DPYSL4: variants seen among roughly 807,000 people sequenced by gnomAD.
DPYSL4 encodes the protein dihydropyrimidinase-related protein 4.
DPYSL4 carries 43 observed loss-of-function variants against 63.4 expected under a neutral mutation model. That is an observed-to-expected ratio of 0.68 (90% CI 0.53 to 0.88). The LOEUF (loss-of-function observed/expected upper bound fraction) is 0.88, where lower values mean the gene tolerates loss of function less well. DPYSL4 is among the 40% of genes least tolerant of loss of function. DPYSL4 has a pLI of 0.00. For missense variants in DPYSL4, 733 were observed against 819.5 expected (o/e 0.89, Z 1.29); for synonymous variants, 353 against 331.7 (o/e 1.06, Z -0.70).
chr10:132,200,630 G>T lies in DPYSL4; in HGVS notation c.968+118G>T, dbSNP rs1397186749. 8 of 1,425,784 alleles carry T rather than the reference G, an allele frequency of 5.6e-6. No homozygotes were observed. The South Asian group carries it at 9.6e-5, about 17-fold the overall frequency. 88.3% of individuals were successfully genotyped at this position (1,425,784 alleles called of 1,614,324 possible). ...CCCATAGGGCAGCCCGGACAGTGGC[G>T]GGTGGGGAAGTCTGAGCCCTTTGGT... On this transcript the variant is annotated intron_variant, in intron 9 of 13. Transcript: ENST00000338492.
chr10:132,202,963 GC>G (rs2062040091), intron 12 of DPYSL4, 138 bp downstream of exon 12: 1 of 1,063,980 alleles, frequency 9.4e-7, no homozygotes, highest in Non-Finnish European at 1.3e-6. Flanking sequence ...CTTGCCCAGG[GC>G]CCTGGTGGGT....
intron 13 of DPYSL4, 44 bp downstream of exon 13, chr10:132,203,971 G>A (rs377261164): frequency 1.1e-4 from 167 of 1,560,486 alleles, no homozygotes; most frequent in East Asian, 1.4e-4. Flanking sequence ...GGGCTCTGCC[G>A]GAGCATCCAG....
At chr10:132,189,423 G>A (rs967339688) in intron 1 of DPYSL4, among the ~76,000 whole-genome samples, 7 of 152,160 alleles carry the variant, frequency 4.6e-5, no homozygotes, top group African/African-American at 1.7e-4. Flanking sequence ...TCTGCTTCCC[G>A]GCCATCTGGT....
chr10:132,190,339 G>T (rs1037610493), intron 1 of DPYSL4, among the ~76,000 whole-genome samples: 9 of 152,258 alleles, frequency 5.9e-5, no homozygotes, highest in African/African-American at 2.2e-4. Flanking sequence ...CCTCCTCTGC[G>T]TGGGTGGAAG....
chr10:132,201,953 G>A lies in DPYSL4; in HGVS notation c.1118G>A (p.Gly373Glu). 2 of 1,612,354 alleles carry A rather than the reference G, an allele frequency of 1.2e-6. No homozygotes were observed. The highest frequency in any genetic ancestry group is 1.7e-6 in the Non-Finnish European group (2 of 1,179,346). Residue 373 changes from glycine to glutamate, a missense_variant, in exon 11 of 14, where the codon GGG (glycine) becomes GAG (glutamate). Coordinates refer to ENST00000338492, the MANE Select transcript of DPYSL4 (RefSeq NM_006426.3). ...AGCCTTCTTGTTCCCCAGGCCTCTGGGAAGATGGACGAGAATGAGTTCGTC... is the reference window on the plus strand; with the variant it reads ...AGCCTTCTTGTTCCCCAGGCCTCTGAGAAGATGGACGAGAATGAGTTCGTC... ...SMVWEKCVAS[G>E]KMDENEFVAV...
chr10:132,188,668 C>T (rs965371806), intron 1 of DPYSL4, among the ~76,000 whole-genome samples: 2 of 152,212 alleles, frequency 1.3e-5, no homozygotes, highest in Non-Finnish European at 2.9e-5. Context: ...GTCAGCTTTG[C>T]GGACCACGCT....
rs375959242 is a variant in DPYSL4, at chr10:132,204,977, G to T, written c.*47G>T. The stretch of plus-strand genomic sequence containing the variant: ...AGCCGTGCTGGCCCCACCCGAGGCC[G>T]CGGGGGCCCCAGGGCACTCGCCCCC... On this transcript the variant is annotated 3_prime_UTR_variant, in exon 14 of 14. Transcript: ENST00000338492. The T allele has an allele frequency of 1.3e-6, 2 of 1,520,520 alleles. No homozygotes were observed. The highest frequency in any genetic ancestry group is 2.8e-5 in the African/African-American group (2 of 71,814). The allele number at this position is 1,520,520 out of a possible 1,614,324, so 94.2% of individuals were successfully genotyped here.
At chr10:132,198,781 C>T (rs955636569) in intron 7 of DPYSL4, 70 bp from the exon 8 acceptor site, 3 of 1,579,836 alleles carry the variant, frequency 1.9e-6, no homozygotes, top group Non-Finnish European at 2.6e-6. Flanking sequence ...ACCTGGGCAT[C>T]CCCATTGCCC....
chr10:132,203,967 T>G, intron 13 of DPYSL4, 40 bp downstream of exon 13: 1 of 1,565,188 alleles, frequency 6.4e-7, no homozygotes, highest in Non-Finnish European at 8.7e-7. Flanking sequence ...TGAGGGGCTC[T>G]GCCGGAGCAT....
chr10:132,203,477 G>A (rs2062048780), intron 12 of DPYSL4: 1 of 481,104 alleles, frequency 2.1e-6, no homozygotes, highest in African/African-American at 1.9e-5. Flanking sequence ...ATGTGCACCT[G>A]TGTTGGTAAG....
chr10:132,189,530 G>A lies in DPYSL4; in HGVS notation c.40-1217G>A, dbSNP rs146067353. ...CTGCCAGGGCTGACCTACAAAGAGC[G>A]GGCCTCACCAGCCTGACGCTCTGTG... On this transcript the variant is annotated intron_variant, in intron 1 of 13. Transcript: ENST00000338492. Among the ~76,000 whole-genome samples, 896 of 152,246 alleles carry A rather than the reference G, an allele frequency of 5.9e-3. 14 individuals carry two copies. The highest frequency in any genetic ancestry group is 6.8e-3 in the Middle Eastern group (2 of 294).
intron 8 of DPYSL4, 27 bp downstream of exon 8, chr10:132,198,998 CCGAGGG>C (rs199811778): frequency 0.13 from 200,752 of 1,593,736 alleles, 14,149 homozygotes; most frequent in East Asian, 0.2. Flanking sequence ...GCCTCTGATG[CCGAGGG>C]GCCATGGTCT....
chr10:132,192,603 C>A, intron 2 of DPYSL4, 55 bp from the exon 3 acceptor site: 2 of 1,534,560 alleles, frequency 1.3e-6, no homozygotes, highest in Non-Finnish European at 1.8e-6. Flanking sequence ...GCTGGGAGCC[C>A]ATCTGGGCTC....
intron 6 of DPYSL4, 42 bp from the exon 7 acceptor site, chr10:132,198,373 C>T (rs989453955): frequency 4.4e-6 from 7 of 1,576,130 alleles, no homozygotes; most frequent in Admixed American, 1.8e-5. Context: ...GGCCCAGGCT[C>T]CCTTCAGGGC....
intron 1 of DPYSL4, among the ~76,000 whole-genome samples, 160 bp from the exon 2 acceptor site, chr10:132,190,584 ACTT>A (rs2061861245): frequency 6.6e-6 from 1 of 152,242 alleles, no homozygotes; most frequent in Non-Finnish European, 1.5e-5. Flanking sequence ...GCCTGGTGCC[ACTT>A]CTTGGGGAAT....
At chr10:132,190,509 T>C (rs551335158) in intron 1 of DPYSL4, among the ~76,000 whole-genome samples, 4 of 152,246 alleles carry the variant, frequency 2.6e-5, no homozygotes, top group South Asian at 2.1e-4. Flanking sequence ...GGCTTTGCCC[T>C]CAGCGAGGTC....
intron 13 of DPYSL4, among the ~76,000 whole-genome samples, chr10:132,204,393 C>G (rs1470362408): frequency 6.6e-6 from 1 of 152,154 alleles, no homozygotes; most frequent in Non-Finnish European, 1.5e-5. Flanking sequence ...CAGGGTCCGG[C>G]CTCTGGCGTC....
At chr10:132,201,761 T>C (rs1237252523) in intron 10 of DPYSL4, among the ~76,000 whole-genome samples, 185 bp from the exon 11 acceptor site, 3 of 152,054 alleles carry the variant, frequency 2.0e-5, no homozygotes, top group Admixed American at 6.5e-5. Flanking sequence ...GCATCTGACC[T>C]GGCAGGGGCC....
intron 8 of DPYSL4, 29 bp from the exon 9 acceptor site, chr10:132,200,327 G>A (rs764263150): frequency 6.2e-7 from 1 of 1,611,258 alleles, no homozygotes; most frequent in South Asian, 1.1e-5. Context: ...GTGGTCGGTG[G>A]GGCACCTCTC....
Sources: allele counts gnomAD v4.1 joint callset (sites outside exome capture counted in the v4.1 genomes callset), GRCh38; gene constraint gnomAD v4.1.1; transcripts MANE v1.5; gene names NCBI Gene and HGNC (gene_info 2026-07-23, HGNC 2026-07-21).